Variants in FHL2 observed in about 807,000 individuals in gnomAD.
FHL2 encodes the protein four and a half LIM domains protein 2.
In FHL2, 20 loss-of-function variants were observed where a neutral mutation model predicts 32.7. That is an observed-to-expected ratio of 0.61 (90% confidence interval 0.43 to 0.89). FHL2 has a LOEUF of 0.89. Ranked by LOEUF, FHL2 falls within the 40% of genes least tolerant of loss-of-function variation. The probability of loss-of-function intolerance (pLI) is 0.00; values close to 1 mark genes in which losing one functional copy is unlikely to be tolerated. For missense variants in FHL2, 311 were observed against 358.6 expected, an observed-to-expected ratio of 0.87 and a Z score of 1.07; for synonymous variants, 123 against 128.1, an observed-to-expected ratio of 0.96 and a Z score of 0.27.
intron 2 of FHL2, 113 bp from the exon 3 acceptor site, chr2:105,386,653 C>A: frequency 1.2e-6 from 1 of 805,354 alleles, no homozygotes; most frequent in Non-Finnish European, 1.9e-6. Context: ...GTGGCTAATT[C>A]CTCTGGATGA....
At chr2:105,396,833 A>C in intron 1 of FHL2, 136 bp from the exon 2 acceptor site, 1 of 704,604 alleles carries the variant, frequency 1.4e-6, no homozygotes, top group Non-Finnish European at 2.4e-6. Context: ...GAAGAACCCA[A>C]TGTCTAATGT....
At chr2:105,411,840 A>G (rs1489244928) in intron 1 of FHL2, among the ~76,000 whole-genome samples, 1 of 152,042 alleles carries the variant, frequency 6.6e-6, no homozygotes, top group Admixed American at 6.6e-5. Flanking sequence ...AAAAGTTCAC[A>G]TGGCATCCTT....
chr2:105,415,863 C>G (rs911734322), intron 1 of FHL2, among the ~76,000 whole-genome samples: 1 of 152,072 alleles, frequency 6.6e-6, no homozygotes, highest in Admixed American at 6.6e-5. Flanking sequence ...GGAAAATGGC[C>G]CATATGGTAC....
upstream of FHL2, among the ~76,000 whole-genome samples, chr2:105,402,052 T>A (rs1163729202): frequency 6.7e-6 from 1 of 150,092 alleles, no homozygotes; most frequent in Non-Finnish European, 1.5e-5. Flanking sequence ...TACGTATATA[T>A]ACGTATGTAT....
intron 5 of FHL2, among the ~76,000 whole-genome samples, chr2:105,365,874 G>A (rs1680595779): frequency 6.6e-6 from 1 of 151,794 alleles, no homozygotes; most frequent in Admixed American, 6.6e-5. Context: ...CATAAAAGGA[G>A]AGGAAATAAA....
At chr2:105,395,236 C>T (rs533645258) in intron 2 of FHL2, among the ~76,000 whole-genome samples, 20 of 152,388 alleles carry the variant, frequency 1.3e-4, no homozygotes, top group African/African-American at 4.8e-4. Context: ...ACAACCATAG[C>T]TGCACACGCT....
chr2:105,361,917 G>A (rs1005875033), intron 6 of FHL2, among the ~76,000 whole-genome samples: 6 of 152,150 alleles, frequency 3.9e-5, no homozygotes, highest in African/African-American at 1.4e-4. Context: ...TGAGGGGAGA[G>A]GGATATTGTC....
Position 105,399,012 on chromosome 2 carries a change from C to A in FHL2, c.-246G>T. On this transcript the variant is annotated 5_prime_UTR_variant, in exon 1 of 7. Coordinates refer to ENST00000530340, the MANE Select transcript of FHL2 (RefSeq NM_001318895.3). ...GGGACTCCCGGACGGGGCTGGAGGGCGCGGGCGGCTGGTGGCTGCGGCTCC... is the reference window on the plus strand; with the variant it reads ...GGGACTCCCGGACGGGGCTGGAGGGAGCGGGCGGCTGGTGGCTGCGGCTCC... 6.7e-7 allele frequency: 1 copy of A among 1,497,072 alleles called. No individual in the cohort carries two copies. The highest frequency in any genetic ancestry group is 1.3e-5 in the South Asian group (1 of 76,618). 92.7% of individuals were successfully genotyped at this position (1,497,072 alleles called of 1,614,324 possible). A position where few individuals can be genotyped will look rare whatever the true frequency, so the allele number is the denominator to read the frequency against.
chr2:105,398,297 A>T (rs1233273721), intron 1 of FHL2, among the ~76,000 whole-genome samples: 1 of 75,382 alleles, frequency 1.3e-5, no homozygotes, highest in East Asian at 3.6e-4. Context: ...AAAAACTTAG[A>T]ATCTTTTCAT....
upstream of FHL2, among the ~76,000 whole-genome samples, chr2:105,400,600 CT>C (rs976934780): frequency 2.6e-5 from 4 of 151,888 alleles, no homozygotes; most frequent in African/African-American, 9.7e-5. Context: ...GAGTCTTAAG[CT>C]TCAGTTTGTA....
chr2:105,427,379 T>C (rs1455008631), intron 1 of FHL2, among the ~76,000 whole-genome samples: 2 of 152,208 alleles, frequency 1.3e-5, no homozygotes, highest in African/African-American at 4.8e-5. Context: ...ACCCATGATA[T>C]GCACTATGAA....
At chr2:105,380,761 G>A (rs889723967) in intron 3 of FHL2, among the ~76,000 whole-genome samples, 3 of 151,900 alleles carry the variant, frequency 2.0e-5, no homozygotes, top group African/African-American at 7.3e-5. Flanking sequence ...AATTCCTCTA[G>A]AGAGAAATTG....
chr2:105,390,072 C>CAA (rs61299316), intron 2 of FHL2: 18 of 149,436 alleles, frequency 1.2e-4, no homozygotes, highest in South Asian at 2.1e-4. Context: ...ACTAAAAATA[C>CAA]AAAAAAAAAA....
Position 105,379,377 on chromosome 2 carries a change from A to G in FHL2, c.157-5644T>C, listed in dbSNP as rs372227277. 6.6e-5 allele frequency among the ~76,000 whole-genome samples: 10 copies of G among 152,342 alleles called. No homozygotes were observed. The East Asian group carries it at 1.7e-3, about 26-fold the overall frequency. On this transcript the variant is annotated intron_variant, in intron 3 of 6. Coordinates refer to ENST00000530340, the MANE Select transcript of FHL2 (RefSeq NM_001318895.3). ...TACATTTCCTTATGAAGACAGTCCT[A>G]TCAATGAGAATATCTGCCACCTTAA...
In FHL2 at chr2:105,422,696, ACT is replaced by A. The variant is rs375236775; in HGVS notation, c.-25+15701_-25+15702del. Among the ~76,000 whole-genome samples the A allele has an allele frequency of 5.9e-3, 881 of 150,408 alleles. 7 individuals carry two copies. The highest frequency in any genetic ancestry group is 0.01 in the Non-Finnish European group (686 of 67,812). On this transcript the variant is annotated intron_variant, in intron 1 of 5. Transcript: ENST00000393352. ...CAGGTGAGAGAAATCAAAATTAAAT[ACT>A]GTCTGGAGTTTAATACTGCCACGAG...
chr2:105,399,011 G>T lies in FHL2; in HGVS notation c.-245C>A. 6.7e-7 allele frequency: 1 copy of T among 1,498,026 alleles called. No individual in the cohort carries two copies. Among genetic ancestry groups the T allele is most frequent in the Non-Finnish European group, 8.9e-7 (1 of 1,126,840 alleles). 92.8% of individuals were successfully genotyped at this position (1,498,026 alleles called of 1,614,324 possible). On this transcript the variant is annotated 5_prime_UTR_variant, in exon 1 of 7. Transcript: ENST00000530340. ...GGGGACTCCCGGACGGGGCTGGAGG[G>T]CGCGGGCGGCTGGTGGCTGCGGCTC...
upstream of FHL2, chr2:105,399,117 A>G: frequency 7.0e-7 from 1 of 1,419,416 alleles, no homozygotes; most frequent in South Asian, 1.5e-5. Context: ...AAGGAGATGC[A>G]CGCCTCGGCT....
intron 3 of FHL2, 38 bp downstream of exon 3, chr2:105,386,323 G>A: frequency 1.9e-6 from 3 of 1,605,392 alleles, no homozygotes; most frequent in Non-Finnish European, 2.6e-6. Context: ...TGTTTCCTAG[G>A]GGAGCGCCGG....
At chr2:105,437,336 C>T (rs917275004) in intron 1 of FHL2, among the ~76,000 whole-genome samples, 1 of 152,138 alleles carries the variant, frequency 6.6e-6, no homozygotes, top group African/African-American at 2.4e-5. Flanking sequence ...AAAACCCTGA[C>T]TTGGTCATTA....
Sources: gnomAD v4.1 joint callset for allele counts (sites outside exome capture counted in the v4.1 genomes callset) on GRCh38, gnomAD v4.1.1 for gene constraint, MANE v1.5 for transcripts, NCBI Gene and HGNC (gene_info 2026-07-23, HGNC 2026-07-21) for gene names.